NUP214: variants seen among roughly 807,000 people sequenced by gnomAD.
The protein encoded by NUP214 is nucleoporin 214.
In NUP214, 79 loss-of-function variants were observed where a neutral mutation model predicts 196.2. The ratio of observed to expected loss-of-function variants is 0.40; its 90% CI spans 0.34 to 0.49. The LOEUF (loss-of-function observed/expected upper bound fraction) is 0.49. Ranked by LOEUF, NUP214 falls within the 20% of genes least tolerant of loss-of-function variation. The pLI is 0.58. For synonymous variants in NUP214, 1,020 were observed against 990.5 expected (o/e 1.03, Z -0.56); for missense variants, 2,468 against 2,539.0 (o/e 0.97, Z 0.60).
rs1833512674 is a variant in NUP214, at chr9:131,188,333, GA to G, written c.3496-714del. 2.0e-5 allele frequency among the ~76,000 whole-genome samples: 3 copies of G among 152,284 alleles called. No homozygotes were observed. The South Asian group carries it at 6.2e-4, about 32-fold the overall frequency. Reference sequence around the variant, plus strand: ...ATATTGCAAACAGTTAAACAATCCAGAAAAAAGTGATAGGGGATGGTTGGAA... The same window carrying G: ...ATATTGCAAACAGTTAAACAATCCAGAAAAAGTGATAGGGGATGGTTGGAA... On this transcript the variant is annotated intron_variant, in intron 25 of 35. Transcript: ENST00000359428.
At chr9:131,158,667 G>A (rs543168531) in intron 17 of NUP214, among the ~76,000 whole-genome samples, 20 of 152,284 alleles carry the variant, frequency 1.3e-4, no homozygotes, top group African/African-American at 4.6e-4. Context: ...GGGTGGGAGA[G>A]CAAAATCTAA....
rs955642602 is a variant in NUP214 at position 131,211,643 on chromosome 9, G to A, written c.5593-3569G>A. Among the ~76,000 whole-genome samples the A allele has an allele frequency of 2.6e-5, 4 of 152,308 alleles. No homozygotes were observed. In the East Asian group the frequency reaches 7.7e-4, roughly 29 times the overall value. On this transcript the variant is annotated intron_variant, in intron 30 of 35. Coordinates refer to ENST00000359428, the MANE Select transcript of NUP214 (RefSeq NM_005085.4). ...ATTAGTTCCCCAAATTAATACTTTT[G>A]TAATTTCTTACGCCTGTCTTTACTA... is the stretch of plus-strand genomic sequence containing the variant.
Position 131,232,451 on chromosome 9 carries a change from G to T in NUP214, c.6239+143G>T. 2 of 860,712 alleles carry T rather than the reference G, an allele frequency of 2.3e-6. No individual in the cohort carries two copies. Among genetic ancestry groups the T allele is most frequent in the South Asian group, 1.4e-5 (1 of 70,898 alleles). 53.3% of individuals were successfully genotyped at this position (860,712 alleles called of 1,614,324 possible). A position where few individuals can be genotyped will look rare whatever the true frequency, so the allele number is the denominator to read the frequency against. Reference sequence around the variant, plus strand: ...GTCCTGGAAGTGTGGGGGTTCAGCAGCAGGGTTTGGGTTTTGTGGACTTGC... The same window carrying T: ...GTCCTGGAAGTGTGGGGGTTCAGCATCAGGGTTTGGGTTTTGTGGACTTGC... On this transcript the variant is annotated intron_variant, in intron 35 of 35. Transcript: ENST00000359428. This position sits in a 1 kb window ranked among gnomAD's most constrained non-coding sequence, Gnocchi z 5.1.
intron 5 of NUP214, among the ~76,000 whole-genome samples, chr9:131,131,992 T>C (rs1831559142): frequency 6.6e-6 from 1 of 152,168 alleles, no homozygotes; most frequent in African/African-American, 2.4e-5. Context: ...CCCAGCCTTA[T>C]TCCACTATTG....
Position 131,163,173 on chromosome 9 carries a change from G to A in NUP214, c.2723G>A (p.Ser908Asn). The A allele has an allele frequency of 6.2e-7, 1 of 1,607,280 alleles. No homozygotes were observed. The highest frequency in any genetic ancestry group is 8.5e-7 in the Non-Finnish European group (1 of 1,177,920). The change falls in exon 19 of 36, where the codon AGT (serine) becomes AAT (asparagine). Residue 908 changes from serine (S) to asparagine (N), a missense_variant and splice_region_variant. Coordinates refer to ENST00000359428, the MANE Select transcript of NUP214 (RefSeq NM_005085.4). Reference sequence around the variant, plus strand: ...GTTCCTTCCCAGAGCAGCATTCACAGGTGTGGAGAGGACTTGCACTCAATA... The same window carrying A: ...GTTCCTTCCCAGAGCAGCATTCACAAGTGTGGAGAGGACTTGCACTCAATA... ...SAVPSQSSIH[S>N]FDSDLESLCN...
intron 31 of NUP214, among the ~76,000 whole-genome samples, chr9:131,217,776 C>T (rs990051243): frequency 6.6e-6 from 1 of 152,204 alleles, no homozygotes; most frequent in Non-Finnish European, 1.5e-5. Flanking sequence ...TTAAATGTGT[C>T]ATATCCCTAT....
intron 17 of NUP214, among the ~76,000 whole-genome samples, chr9:131,154,844 C>CGCGTGT (rs1475290008): frequency 1.3e-5 from 2 of 151,752 alleles, no homozygotes; most frequent in East Asian, 3.9e-4. Flanking sequence ...TGTGTGTGTG[C>CGCGTGT]GCACGCGCAC....
At chr9:131,199,555 C>T (rs1833889133) in intron 29 of NUP214, among the ~76,000 whole-genome samples, 1 of 152,160 alleles carries the variant, frequency 6.6e-6, no homozygotes. Context: ...TTTCTATTTT[C>T]AGTGTTATGA....
chr9:131,193,086 AAAT>A lies in NUP214; in HGVS notation c.3659+807_3659+809del, dbSNP rs566646970. 2.5e-3 allele frequency among the ~76,000 whole-genome samples: 388 copies of A among 152,180 alleles called. 4 individuals carry two copies. Among genetic ancestry groups the A allele is most frequent in the African/African-American group, 9.0e-3 (373 of 41,528 alleles). ...AGGAATCTGTTTCCGTTTCTTTAAA[AAAT>A]AATAATAATAATGATGGCTGTACTT... On this transcript the variant is annotated intron_variant, in intron 27 of 35. Coordinates refer to ENST00000359428, the MANE Select transcript of NUP214 (RefSeq NM_005085.4).
chr9:131,196,030 C>CCGT lies in NUP214; in HGVS notation c.3721+737_3721+738insGTC, dbSNP rs1554737960. On this transcript the variant is annotated intron_variant, in intron 28 of 35. Coordinates refer to ENST00000359428, the MANE Select transcript of NUP214 (RefSeq NM_005085.4). ...CAAGAGTGAAACTCTGTGTGTCCCCCCCCCCCCCCGCGCCAAAAAATCCAT... is the reference window on the plus strand; with the variant it reads ...CAAGAGTGAAACTCTGTGTGTCCCCCCGTCCCCCCCCCGCGCCAAAAAATCCAT... Among the ~76,000 whole-genome samples the CCGT allele has an allele frequency of 9.4e-5, 3 of 31,968 alleles. 1 individual carries two copies. Among genetic ancestry groups the CCGT allele is most frequent in the Non-Finnish European group, 4.7e-4 (3 of 6,346 alleles). 21.0% of individuals were successfully genotyped at this position (31,968 alleles called of 152,430 possible).
At chr9:131,200,392 A>G (rs990860827) in intron 29 of NUP214, among the ~76,000 whole-genome samples, 2 of 152,196 alleles carry the variant, frequency 1.3e-5, no homozygotes, top group South Asian at 2.1e-4. Context: ...CCTGGCCAAC[A>G]TGGTAAAACC....
intron 1 of NUP214, 131 bp from the exon 2 acceptor site, chr9:131,127,389 GAAAA>G: frequency 2.9e-6 from 2 of 698,856 alleles, no homozygotes; most frequent in Non-Finnish European, 4.7e-6. Flanking sequence ...TCTCAAAAAA[GAAAA>G]AAAGACAATT....
chr9:131,229,941 A>C (rs1834830696), intron 33 of NUP214: 1 of 359,328 alleles, frequency 2.8e-6, no homozygotes, highest in South Asian at 2.1e-5. Context: ...TCCCTCACCT[A>C]GTCACCTCCA....
intron 12 of NUP214, among the ~76,000 whole-genome samples, chr9:131,145,344 T>C (rs1588130375): frequency 6.6e-6 from 1 of 152,184 alleles, no homozygotes. Context: ...CACTAGAATG[T>C]AAGCTTTTGG....
chr9:131,229,700 A>C, intron 33 of NUP214: 1 of 518,768 alleles, frequency 1.9e-6, no homozygotes, highest in Non-Finnish European at 3.8e-6. Context: ...CCTGAAGGGC[A>C]GGCTGTTGCT....
intron 9 of NUP214, among the ~76,000 whole-genome samples, chr9:131,138,879 G>C (rs1002766122): frequency 3.3e-5 from 5 of 152,154 alleles, no homozygotes; most frequent in Admixed American, 2.0e-4. Flanking sequence ...TGGAGTTCCT[G>C]GCCCCAATCC....
chr9:131,141,830 C>T (rs1331821758), intron 11 of NUP214: 1 of 152,152 alleles, frequency 6.6e-6, no homozygotes, highest in Non-Finnish European at 1.5e-5. Flanking sequence ...TGGAATTTGA[C>T]TAATATTTCT....
chr9:131,207,583 C>T (rs1451467463), intron 30 of NUP214, among the ~76,000 whole-genome samples: 1 of 152,244 alleles, frequency 6.6e-6, no homozygotes, highest in African/African-American at 2.4e-5. Context: ...AGTCACAGAA[C>T]ATCACTTAGG....
chr9:131,191,163 C>T (rs1183516844), intron 26 of NUP214: 1 of 151,890 alleles, frequency 6.6e-6, no homozygotes, highest in East Asian at 1.9e-4. Context: ...TTTCCTTTCC[C>T]CCTTTTGAAG....
Sources: gnomAD v4.1 joint callset for allele counts (sites outside exome capture counted in the v4.1 genomes callset) on GRCh38, gnomAD v4.1.1 for gene constraint, Gnocchi (gnomAD v3.1) non-coding constraint, MANE v1.5 for transcripts, NCBI Gene and HGNC (gene_info 2026-07-23, HGNC 2026-07-21) for gene names.